SDK1: variants seen among roughly 807,000 people sequenced by gnomAD.
SDK1 encodes the protein sidekick cell adhesion molecule 1, also known as protein sidekick-1.
Under a neutral mutation model 245.5 loss-of-function variants are expected in SDK1, and 157 were observed. The ratio of observed to expected loss-of-function variants is 0.64; its 90% CI spans 0.56 to 0.73. SDK1 has a LOEUF of 0.73. Ranked by LOEUF, SDK1 falls within the 30% of genes least tolerant of loss-of-function variation. The pLI, the probability that SDK1 is intolerant of heterozygous loss-of-function variation, is 0.00. For missense variants in SDK1, 3,583 were observed against 3,002.3 expected (o/e 1.19, Z -4.52); for synonymous variants, 1,647 against 1,278.5 (o/e 1.29, Z -6.15).
Position 3,645,961 on chromosome 7 carries a change from C to T in SDK1, c.713+3856C>T, listed in dbSNP as rs557820690. Among the ~76,000 whole-genome samples the T allele has an allele frequency of 4.3e-4, 66 of 152,112 alleles. 1 individual carries two copies. The highest frequency in any genetic ancestry group is 7.6e-4 in the Non-Finnish European group (52 of 68,012). On this transcript the variant is annotated intron_variant, in intron 4 of 44. Transcript: ENST00000404826. ...GCAACCTCTGCCTCCCGAGGTCAAG[C>T]GATGTTCCTACCTCAGCCTCCTGAG...
At chr7:4,044,046 G>C (rs1351233026) in intron 17 of SDK1, among the ~76,000 whole-genome samples, 1 of 151,992 alleles carries the variant, frequency 6.6e-6, no homozygotes, top group East Asian at 1.9e-4. Context: ...CTGCCTAACT[G>C]ACTACCCCAA....
chr7:3,741,591 G>T (rs1339893221), intron 4 of SDK1, among the ~76,000 whole-genome samples: 2 of 152,108 alleles, frequency 1.3e-5, no homozygotes, highest in Non-Finnish European at 1.5e-5. Flanking sequence ...ACAGATTTGT[G>T]CTTTTTGAAC....
intron 5 of SDK1, among the ~76,000 whole-genome samples, chr7:3,827,112 A>C (rs758311017): frequency 6.6e-6 from 1 of 152,186 alleles, no homozygotes; most frequent in African/African-American, 2.4e-5. Flanking sequence ...TAGGAAATCT[A>C]ATCTGTCTTA....
chr7:4,240,801 G>C (rs1443071436), intron 42 of SDK1, among the ~76,000 whole-genome samples: 2 of 152,142 alleles, frequency 1.3e-5, no homozygotes, highest in African/African-American at 4.8e-5. Context: ...CAGGGCGTTT[G>C]AGCTGTGATC....
intron 5 of SDK1, among the ~76,000 whole-genome samples, chr7:3,891,272 C>A (rs754092020): frequency 1.3e-5 from 2 of 152,046 alleles, no homozygotes; most frequent in African/African-American, 4.8e-5. Flanking sequence ...GTCGTGCTCC[C>A]GGGGAGGACT....
At position 4,145,935 on chromosome 7, in the gene SDK1, C is replaced by CG. The variant is rs1562882678; in HGVS notation, c.4423+24dup. ...AAGAGAGGTAAGACCTTGGGGGACC[C>CG]GGGGGTACTGCAGATGTTGTGGGCA... On this transcript the variant is annotated intron_variant, in intron 29 of 44. Transcript: ENST00000404826. 6.3e-7 allele frequency: 1 copy of CG among 1,579,672 alleles called. No individual in the cohort carries two copies. Among genetic ancestry groups the CG allele is most frequent in the East Asian group, 2.3e-5 (1 of 44,134 alleles).
intron 1 of SDK1, chr7:3,302,450 G>C (rs1171524501): frequency 6.6e-6 from 1 of 152,076 alleles, no homozygotes; most frequent in Non-Finnish European, 1.5e-5. Context: ...CACAGCTTTT[G>C]CACTTGGCTT....
chr7:4,253,574 T>C (rs1263968899), intron 44 of SDK1, among the ~76,000 whole-genome samples: 1 of 152,198 alleles, frequency 6.6e-6, no homozygotes, highest in Non-Finnish European at 1.5e-5. Flanking sequence ...CTGGAGAATG[T>C]TTCCTATCCA....
chr7:3,917,020 G>A (rs537854407), intron 5 of SDK1, among the ~76,000 whole-genome samples: 1 of 152,264 alleles, frequency 6.6e-6, no homozygotes, highest in African/African-American at 2.4e-5. Flanking sequence ...CAGACTGGGG[G>A]CAAATCTTTT....
At chr7:3,979,657 T>C (rs537996814) in intron 13 of SDK1, among the ~76,000 whole-genome samples, 39 of 152,254 alleles carry the variant, frequency 2.6e-4, no homozygotes, top group Admixed American at 6.5e-4. Context: ...TGAGGCAGCC[T>C]GTAAATTAAC....
chr7:3,866,166 A>G (rs1562500200), intron 5 of SDK1, among the ~76,000 whole-genome samples: 2 of 152,202 alleles, frequency 1.3e-5, no homozygotes, highest in Admixed American at 6.5e-5. Context: ...CTCATTCACA[A>G]CCACCATATT....
intron 16 of SDK1, 129 bp from the exon 17 acceptor site, chr7:4,017,020 TTGGGAAATAGTATTGTTTAGGG>T (rs1345819712): frequency 1.6e-6 from 1 of 641,540 alleles, no homozygotes; most frequent in African/African-American, 1.9e-5. Context: ...AATCATCGAG[TTGGGAAATAGTATTGTTTAGGG>T]CTGACCTCTC....
intron 26 of SDK1, among the ~76,000 whole-genome samples, chr7:4,127,929 C>G (rs1438891864): frequency 1.3e-5 from 2 of 152,174 alleles, no homozygotes; most frequent in Non-Finnish European, 2.9e-5. Context: ...ATGTGAAGGG[C>G]TGGGTGAGGT....
intron 5 of SDK1, among the ~76,000 whole-genome samples, chr7:3,947,364 CTA>C (rs1310799483): frequency 6.6e-6 from 1 of 152,086 alleles, no homozygotes; most frequent in African/African-American, 2.4e-5. Context: ...GCATTTTAGA[CTA>C]TGGATTAATT....
chr7:3,407,936 A>G (rs1266747223), intron 1 of SDK1, among the ~76,000 whole-genome samples: 1 of 152,182 alleles, frequency 6.6e-6, no homozygotes, highest in Non-Finnish European at 1.5e-5. Context: ...ACACAGGTGG[A>G]TGAGAAGGGT....
chr7:3,378,017 G>C (rs10807842), intron 1 of SDK1, among the ~76,000 whole-genome samples: 73,283 of 151,950 alleles, frequency 0.48, 18,933 homozygotes, highest in East Asian at 0.62. Flanking sequence ...GGGCTCAAGT[G>C]ATCCGCCTGC....
chr7:3,504,831 A>G (rs1405351844), intron 1 of SDK1, among the ~76,000 whole-genome samples: 2 of 152,162 alleles, frequency 1.3e-5, no homozygotes, highest in African/African-American at 4.8e-5. Context: ...TGGTGCAACC[A>G]CTTTGGAAAA....
At chr7:3,464,380 C>A (rs1210391711) in intron 1 of SDK1, among the ~76,000 whole-genome samples, 1 of 152,030 alleles carries the variant, frequency 6.6e-6, no homozygotes, top group Admixed American at 6.6e-5. Flanking sequence ...AAAATTGGCC[C>A]AGTGTAGTGG....
intron 1 of SDK1, among the ~76,000 whole-genome samples, chr7:3,416,254 A>C (rs1408397408): frequency 6.6e-6 from 1 of 152,118 alleles, no homozygotes; most frequent in African/African-American, 2.4e-5. Context: ...CAGATTAGGA[A>C]GTCATATTAC....
Sources: allele counts gnomAD v4.1 joint callset (sites outside exome capture counted in the v4.1 genomes callset), GRCh38; gene constraint gnomAD v4.1.1; transcripts MANE v1.5; gene names NCBI Gene and HGNC (gene_info 2026-07-23, HGNC 2026-07-21).